PAK1: variants seen among roughly 807,000 people sequenced by gnomAD.
The protein encoded by PAK1 is p21 (RAC1) activated kinase 1.
A neutral mutation model predicts 67.4 loss-of-function variants in PAK1; 29 were observed. That is an observed-to-expected ratio of 0.43 (90% CI 0.32 to 0.59). The LOEUF (loss-of-function observed/expected upper bound fraction) is 0.59, where lower values mean the gene tolerates loss of function less well. Ranked by LOEUF, PAK1 falls within the 20% of genes least tolerant of loss-of-function variation. The pLI, the probability that PAK1 is intolerant of heterozygous loss-of-function variation, is 0.07. For synonymous variants in PAK1, 223 were observed against 237.4 expected, an observed-to-expected ratio of 0.94 and a Z score of 0.56; for missense variants, 337 against 670.7, an observed-to-expected ratio of 0.50 and a Z score of 5.50.
chr11:77,432,745 G>T (rs1463835169), intron 1 of PAK1, among the ~76,000 whole-genome samples: 4 of 151,500 alleles, frequency 2.6e-5, no homozygotes, highest in African/African-American at 7.3e-5. Context: ...AAAAAAATCT[G>T]TTGGAATTAA....
rs1373367211 is a variant in PAK1, at chr11:77,474,032, C to T, written c.-502G>A. 6.6e-6 allele frequency: 1 copy of T among 152,080 alleles called. No individual in the cohort carries two copies. Among genetic ancestry groups the T allele is most frequent in the Non-Finnish European group, 1.5e-5 (1 of 68,112 alleles). 9.4% of individuals were successfully genotyped at this position (152,080 alleles called of 1,614,324 possible). A position where few individuals can be genotyped will look rare whatever the true frequency, so the allele number is the denominator to read the frequency against. ...GGGGGCGTCTACTGTGCAGCCACCA[C>T]CTTCGGCTCCGGCTGCAGCCGCGGG... is the stretch of plus-strand genomic sequence containing the variant. On this transcript the variant is annotated 5_prime_UTR_variant, in exon 1 of 15. In the 5' UTR this introduces an upstream ATG that the reference lacks. Transcript: ENST00000356341.
intron 1 of PAK1, among the ~76,000 whole-genome samples, chr11:77,451,403 C>G (rs1420567167): frequency 6.6e-6 from 1 of 152,154 alleles, no homozygotes; most frequent in African/African-American, 2.4e-5. Context: ...AACCCTGATC[C>G]TATTACCATT....
the PAK1 span, among the ~76,000 whole-genome samples, chr11:77,485,999 C>T: frequency 6.6e-6 from 1 of 152,228 alleles, no homozygotes; most frequent in Non-Finnish European, 1.5e-5. Context: ...GTCTAGCTTA[C>T]AGCTCACTCC....
intron 1 of PAK1, among the ~76,000 whole-genome samples, chr11:77,453,450 C>T (rs1956947661): frequency 6.6e-6 from 1 of 151,106 alleles, no homozygotes; most frequent in African/African-American, 2.4e-5. Flanking sequence ...TGATTCTAAA[C>T]ACCTTTCCCA....
chr11:77,419,847 G>C (rs1955163416), intron 1 of PAK1, among the ~76,000 whole-genome samples: 1 of 152,120 alleles, frequency 6.6e-6, no homozygotes, highest in Non-Finnish European at 1.5e-5. Flanking sequence ...ACTTACTGTG[G>C]AGTATACTTT....
At chr11:77,477,614 A>C (rs1399993642), upstream of PAK1, among the ~76,000 whole-genome samples, 2 of 150,384 alleles carry the variant, frequency 1.3e-5, no homozygotes, top group Admixed American at 1.3e-4. Context: ...GCATGTCAGC[A>C]CACCCCTATA....
intron 1 of PAK1, among the ~76,000 whole-genome samples, chr11:77,459,792 AC>A (rs1398027359): frequency 2.9e-5 from 4 of 139,860 alleles, no homozygotes; most frequent in Non-Finnish European, 1.6e-5. Flanking sequence ...TCCCGGGTTC[AC>A]GCCATTCTCC....
intron 1 of PAK1, among the ~76,000 whole-genome samples, chr11:77,416,077 C>CA (rs1313692295): frequency 1.3e-5 from 2 of 151,930 alleles, no homozygotes; most frequent in Admixed American, 1.3e-4. Context: ...TTTCTGGGTT[C>CA]AAGCAATTCT....
Position 77,343,890 on chromosome 11 carries a change from T to C in PAK1, c.927A>G (p.Lys309=), listed in dbSNP as rs1261786347. 3 of 1,613,152 alleles carry C rather than the reference T, an allele frequency of 1.9e-6. No individual in the cohort carries two copies. Among genetic ancestry groups the C allele is most frequent in the Admixed American group, 3.3e-5 (2 of 59,996 alleles). ...KQMNLQQQPK[K]ELIINEILVM... Reference sequence around the variant, plus strand: ...CCAGGATCTCATTAATAATCAGCTCTTTCTTGGGCTGCTGCTGAAGATTCA... The same window carrying C: ...CCAGGATCTCATTAATAATCAGCTCCTTCTTGGGCTGCTGCTGAAGATTCA... Residue 309 remains lysine (K), a synonymous_variant, in exon 10 of 15, where the codon AAA becomes AAG. Coordinates refer to ENST00000356341, the MANE Select transcript of PAK1 (RefSeq NM_002576.5).
intron 14 of PAK1, among the ~76,000 whole-genome samples, chr11:77,331,555 T>C (rs570335756): frequency 7.2e-5 from 11 of 152,212 alleles, no homozygotes; most frequent in Non-Finnish European, 1.2e-4. Context: ...AAACACTGCA[T>C]GTTCTCACTC....
intron 1 of PAK1, among the ~76,000 whole-genome samples, chr11:77,396,693 C>A (rs1951874022): frequency 6.6e-6 from 1 of 152,212 alleles, no homozygotes; most frequent in Admixed American, 6.5e-5. Flanking sequence ...CCTCCCAAAT[C>A]TATTTTCTCA....
the PAK1 span, among the ~76,000 whole-genome samples, chr11:77,521,763 C>T: frequency 6.6e-6 from 1 of 152,188 alleles, no homozygotes. Flanking sequence ...ACCTCCAGGG[C>T]ATCCTATTTA....
intron 1 of PAK1, among the ~76,000 whole-genome samples, chr11:77,415,602 A>G (rs921401183): frequency 6.6e-6 from 1 of 152,140 alleles, no homozygotes; most frequent in African/African-American, 2.4e-5. Context: ...CAGTAAAAAT[A>G]CGCCATAAAA....
intron 1 of PAK1, among the ~76,000 whole-genome samples, chr11:77,405,002 G>C (rs1953272470): frequency 6.6e-6 from 1 of 152,134 alleles, no homozygotes; most frequent in African/African-American, 2.4e-5. Flanking sequence ...GCATGCATGG[G>C]GCATGGTACA....
chr11:77,459,718 A>T (rs1592554621), intron 1 of PAK1, among the ~76,000 whole-genome samples: 1 of 118,128 alleles, frequency 8.5e-6, no homozygotes, highest in East Asian at 2.4e-4. Flanking sequence ...TTTGAGACGG[A>T]GTCTCGCTCT....
At chr11:77,500,685 C>T in the PAK1 span, among the ~76,000 whole-genome samples, 1 of 151,148 alleles carries the variant, frequency 6.6e-6, no homozygotes, top group East Asian at 2.0e-4. Context: ...TCTCCACACA[C>T]ACAAAAAAAT....
intron 11 of PAK1, among the ~76,000 whole-genome samples, chr11:77,339,013 G>A (rs1191072351): frequency 6.6e-6 from 1 of 151,954 alleles, no homozygotes; most frequent in African/African-American, 2.4e-5. Context: ...TATGATGGTG[G>A]CTGTACAACT....
intron 5 of PAK1, 93 bp from the exon 6 acceptor site, chr11:77,359,110 T>C: frequency 8.7e-7 from 1 of 1,153,516 alleles, no homozygotes; most frequent in African/African-American, 1.5e-5. Context: ...AACCCCATCC[T>C]GATATCCCTT....
chr11:77,381,178 G>T (rs59632998), intron 2 of PAK1, among the ~76,000 whole-genome samples: 12,429 of 107,144 alleles, frequency 0.12, 546 homozygotes, highest in East Asian at 0.24. Flanking sequence ...TGTGTGTGTA[G>T]AGAGAGAGAG....
Sources: allele counts gnomAD v4.1 joint callset (sites outside exome capture counted in the v4.1 genomes callset), GRCh38; gene constraint gnomAD v4.1.1; transcripts MANE v1.5; gene names NCBI Gene and HGNC (gene_info 2026-07-23, HGNC 2026-07-21).